Variants in ADCY1 observed in about 807,000 individuals in gnomAD.
ADCY1 encodes the protein adenylate cyclase 1.
In ADCY1, 28 loss-of-function variants were observed where a neutral mutation model predicts 105.4. The ratio of observed to expected loss-of-function variants is 0.27; its 90% CI spans 0.20 to 0.36. The LOEUF is 0.36. Ranked by LOEUF, ADCY1 falls within the 10% of genes least tolerant of loss-of-function variation. The probability of loss-of-function intolerance (pLI) is 1.00; values close to 1 mark genes in which losing one functional copy is unlikely to be tolerated. For missense variants in ADCY1, 977 were observed against 1,434.2 expected (o/e 0.68, Z 5.15); for synonymous variants, 655 against 623.8 (o/e 1.05, Z -0.75).
Position 45,641,645 on chromosome 7 carries a change from G to A in ADCY1, c.1021-7025G>A, listed in dbSNP as rs866068138. ...CCTTGTGTCTCAAAAATGTCTTTTC[G>A]GCCGGGCGCGGTGGCTCACGCCTGT... On this transcript the variant is annotated intron_variant, in intron 4 of 19. Coordinates refer to ENST00000297323, the MANE Select transcript of ADCY1 (RefSeq NM_021116.4). Among the ~76,000 whole-genome samples the A allele has an allele frequency of 4.4e-4, 67 of 152,054 alleles. No individual in the cohort carries two copies. The Middle Eastern group carries it at 0.017, about 39-fold the overall frequency.
chr7:45,625,817 G>A (rs1794044976), intron 4 of ADCY1, among the ~76,000 whole-genome samples: 1 of 152,204 alleles, frequency 6.6e-6, no homozygotes, highest in Admixed American at 6.5e-5. Context: ...TGAGAAATGG[G>A]GACTGAGCTG....
chr7:45,713,306 T>C (rs1785300682), intron 19 of ADCY1, among the ~76,000 whole-genome samples: 1 of 152,194 alleles, frequency 6.6e-6, no homozygotes, highest in African/African-American at 2.4e-5. Flanking sequence ...ATCCAGACCC[T>C]GGTGCTAGGT....
chr7:45,664,464 G>C, intron 8 of ADCY1: 2 of 1,519,518 alleles, frequency 1.3e-6, no homozygotes, highest in Non-Finnish European at 1.8e-6. Flanking sequence ...ATTCACGCCA[G>C]CTCTGTTCTT....
intron 4 of ADCY1, among the ~76,000 whole-genome samples, chr7:45,644,185 A>G (rs538741180): frequency 1.8e-4 from 27 of 152,250 alleles, no homozygotes; most frequent in African/African-American, 4.8e-4. Flanking sequence ...TAGAATTGGG[A>G]TGCAGTGTGC....
chr7:45,637,845 A>T (rs1424190621), intron 4 of ADCY1, among the ~76,000 whole-genome samples: 1 of 152,204 alleles, frequency 6.6e-6, no homozygotes, highest in Non-Finnish European at 1.5e-5. Context: ...TTTAAAATGT[A>T]TTTTCACCAC....
At chr7:45,645,690 G>T (rs1794643690) in intron 4 of ADCY1, among the ~76,000 whole-genome samples, 1 of 152,066 alleles carries the variant, frequency 6.6e-6, no homozygotes, top group Non-Finnish European at 1.5e-5. Flanking sequence ...GTGGGGGCAG[G>T]GACACTAGCA....
At chr7:45,662,745 A>G (rs1795165203) in intron 8 of ADCY1, among the ~76,000 whole-genome samples, 1 of 152,064 alleles carries the variant, frequency 6.6e-6, no homozygotes, top group Non-Finnish European at 1.5e-5. Flanking sequence ...CAAAACAGCA[A>G]AACAGTCTTC....
At chr7:45,600,799 C>T (rs559293689) in intron 2 of ADCY1, among the ~76,000 whole-genome samples, 11 of 152,314 alleles carry the variant, frequency 7.2e-5, no homozygotes, top group African/African-American at 2.6e-4. Flanking sequence ...ATGGTCTTCC[C>T]TCTGTGCGCA....
At chr7:45,588,315 G>T (rs1792794787) in intron 1 of ADCY1, among the ~76,000 whole-genome samples, 1 of 152,068 alleles carries the variant, frequency 6.6e-6, no homozygotes, top group East Asian at 1.9e-4. Context: ...TGCTTGATTA[G>T]CAAATATTTT....
At chr7:45,695,141 C>A (rs901282624) in intron 14 of ADCY1, among the ~76,000 whole-genome samples, 3 of 152,350 alleles carry the variant, frequency 2.0e-5, no homozygotes, top group Admixed American at 6.5e-5. Context: ...CCATTGCAGG[C>A]CTCATCACTT....
In ADCY1 at chr7:45,592,786, G is replaced by A. The variant is rs760996289; in HGVS notation, c.667G>A (p.Gly223Ser). The change falls in exon 2 of 20, where the codon GGT (glycine) becomes AGT (serine). Residue 223 changes from glycine (G) to serine (S), a missense_variant. Gly to Ser is a moderately conservative substitution (Grantham distance 56). Coordinates refer to ENST00000297323, the MANE Select transcript of ADCY1 (RefSeq NM_021116.4). The stretch of plus-strand genomic sequence containing the variant: ...CGGTGCCAATGCCTTGCTCTTCGTC[G>A]GTGTGAACATGTATGGGGTCTTTGT... The part of the protein sequence containing the change: ...TLGANALLFV[G>S]VNMYGVFVRI... 1.6e-5 allele frequency: 26 copies of A among 1,614,058 alleles called. No individual in the cohort carries two copies. The highest frequency in any genetic ancestry group is 3.3e-5 in the Admixed American group (2 of 60,006).
intron 3 of ADCY1, among the ~76,000 whole-genome samples, chr7:45,619,142 A>T (rs111373306): frequency 9.2e-5 from 14 of 152,310 alleles, no homozygotes; most frequent in African/African-American, 3.1e-4. Flanking sequence ...TCTCACTTTT[A>T]TATGGAAGCT....
chr7:45,650,520 C>A (rs1794782817), intron 5 of ADCY1, among the ~76,000 whole-genome samples: 1 of 152,128 alleles, frequency 6.6e-6, no homozygotes, highest in African/African-American at 2.4e-5. Flanking sequence ...AGCACAGACA[C>A]AAGCAGAGTT....
At chr7:45,687,762 G>C (rs771946493) in intron 14 of ADCY1, among the ~76,000 whole-genome samples, 1 of 152,174 alleles carries the variant, frequency 6.6e-6, no homozygotes, top group Non-Finnish European at 1.5e-5. Context: ...TGCCAGAGTC[G>C]GGCAGCCAGA....
At chr7:45,711,096 C>T (rs1785222949) in intron 19 of ADCY1, among the ~76,000 whole-genome samples, 1 of 152,210 alleles carries the variant, frequency 6.6e-6, no homozygotes, top group Admixed American at 6.5e-5. Context: ...TGGCTGACAC[C>T]CTCTAAAAGC....
intron 2 of ADCY1, among the ~76,000 whole-genome samples, chr7:45,609,718 C>T (rs533028714): frequency 6.6e-5 from 10 of 152,206 alleles, no homozygotes; most frequent in South Asian, 4.1e-4. Context: ...AGGGAACATC[C>T]AACTGGAGGA....
At chr7:45,616,276 C>T (rs1793734805) in intron 3 of ADCY1, among the ~76,000 whole-genome samples, 1 of 152,194 alleles carries the variant, frequency 6.6e-6, no homozygotes, top group African/African-American at 2.4e-5. Flanking sequence ...CAGTCCTTCT[C>T]CAAGTCTCCA....
intron 4 of ADCY1, among the ~76,000 whole-genome samples, chr7:45,638,375 A>C (rs1305284434): frequency 6.6e-6 from 1 of 151,898 alleles, no homozygotes; most frequent in Non-Finnish European, 1.5e-5. Flanking sequence ...TATAGCTTCC[A>C]TCTCAGACAC....
intron 14 of ADCY1, among the ~76,000 whole-genome samples, chr7:45,692,963 G>T (rs941998617): frequency 2.0e-5 from 3 of 152,166 alleles, no homozygotes; most frequent in African/African-American, 7.2e-5. Flanking sequence ...TAATAAAGGG[G>T]TCAGTTTATC....
Sources: gnomAD v4.1 joint callset for allele counts (sites outside exome capture counted in the v4.1 genomes callset) on GRCh38, gnomAD v4.1.1 for gene constraint, MANE v1.5 for transcripts, NCBI Gene and HGNC (gene_info 2026-07-23, HGNC 2026-07-21) for gene names.